Variants in MBD5 observed in about 807,000 individuals in gnomAD.
MBD5 encodes the protein methyl-CpG-binding domain protein 5.
MBD5 carries 13 observed loss-of-function variants against 117.3 expected under a neutral mutation model. The observed-to-expected ratio is 0.11, with a 90% CI of 0.07 to 0.18. The LOEUF is 0.18. MBD5 is among the 10% of genes least tolerant of loss of function. The probability of loss-of-function intolerance (pLI) is 1.00; values close to 1 mark genes in which losing one functional copy is unlikely to be tolerated. For missense variants in MBD5, 1,879 were observed against 2,093.8 expected (o/e 0.90, Z 2.00); for synonymous variants, 727 against 766.4 (o/e 0.95, Z 0.85).
chr2:148,208,087 C>T (rs1699330143), intron 2 of MBD5, among the ~76,000 whole-genome samples: 1 of 152,130 alleles, frequency 6.6e-6, no homozygotes. Flanking sequence ...CTGTTTCTTA[C>T]CTCTTCCAGC....
chr2:148,444,954 A>G lies in MBD5; in HGVS notation c.-556-13249A>G, dbSNP rs140952262. ...TAATAATACCTGGAGTACATTTATT[A>G]TATCAGGATTATATAATATAAATGC... On this transcript the variant is annotated intron_variant, in intron 4 of 13. Transcript: ENST00000642680. Among the ~76,000 whole-genome samples, 4 of 151,126 alleles carry G rather than the reference A, an allele frequency of 2.6e-5. No homozygotes were observed. The East Asian group carries it at 7.7e-4, about 29-fold the overall frequency.
At chr2:148,446,130 A>G (rs1035766416) in intron 4 of MBD5, among the ~76,000 whole-genome samples, 1 of 150,956 alleles carries the variant, frequency 6.6e-6, no homozygotes, top group African/African-American at 2.5e-5. Context: ...CAAGCTCTTT[A>G]GTTTAATTAG....
chr2:148,208,179 G>T (rs947189808), intron 2 of MBD5, among the ~76,000 whole-genome samples: 3 of 152,102 alleles, frequency 2.0e-5, no homozygotes, highest in African/African-American at 7.2e-5. Flanking sequence ...ATTCAATCTA[G>T]AAAACATGGA....
intron 2 of MBD5, among the ~76,000 whole-genome samples, chr2:148,194,518 C>A (rs1262482115): frequency 3.1e-5 from 2 of 64,206 alleles, no homozygotes; most frequent in Non-Finnish European, 3.6e-5. Flanking sequence ...GAACAAAAAA[C>A]CAAACACCGC....
chr2:148,341,998 A>G (rs560030463), intron 3 of MBD5, among the ~76,000 whole-genome samples: 1 of 152,102 alleles, frequency 6.6e-6, no homozygotes, highest in East Asian at 1.9e-4. Flanking sequence ...ATATTATTAA[A>G]CATATGAAAA....
At chr2:148,159,839 C>T (rs994950972) in intron 1 of MBD5, among the ~76,000 whole-genome samples, 4 of 152,118 alleles carry the variant, frequency 2.6e-5, no homozygotes, top group African/African-American at 7.2e-5. Flanking sequence ...TAAAAGAAAG[C>T]TGAAGTACAA....
chr2:148,205,834 A>C (rs1372486650), intron 2 of MBD5, among the ~76,000 whole-genome samples: 4 of 152,116 alleles, frequency 2.6e-5, no homozygotes, highest in Non-Finnish European at 5.9e-5. Context: ...GAGAACAGTC[A>C]GGGCAACATG....
chr2:148,469,934 C>T lies in MBD5; in HGVS notation c.1991C>T (p.Thr664Met), dbSNP rs755862882. 16 of 1,613,868 alleles carry T rather than the reference C, an allele frequency of 9.9e-6. No individual in the cohort carries two copies. The highest frequency in any genetic ancestry group is 9.3e-5 in the African/African-American group (7 of 74,916). Residue 664 changes from threonine (T) to methionine (M), a missense_variant, in exon 8 of 14, where the codon ACG (threonine) becomes ATG (methionine). Transcript: ENST00000642680. ...DALRKRKQPP[T>M]TVLSLLRQSQ... The stretch of plus-strand genomic sequence containing the variant: ...TTGCGGAAAAGAAAACAACCACCTA[C>T]GACAGTGTTGAGTTTGCTCAGACAG...
At chr2:148,228,826 G>T (rs141901300) in intron 2 of MBD5, among the ~76,000 whole-genome samples, 15,191 of 152,104 alleles carry the variant, frequency 0.1, 807 homozygotes, top group South Asian at 0.15. Flanking sequence ...CTTCTTCCTG[G>T]TTTAGTCTTG....
chr2:148,118,600 A>G (rs1696695009), intron 1 of MBD5, among the ~76,000 whole-genome samples: 1 of 150,884 alleles, frequency 6.6e-6, no homozygotes, highest in Admixed American at 6.6e-5. Flanking sequence ...AAAAAGAAAA[A>G]AAAAAACTAT....
intron 2 of MBD5, among the ~76,000 whole-genome samples, chr2:148,229,346 T>A (rs978219063): frequency 6.6e-6 from 1 of 152,156 alleles, no homozygotes; most frequent in African/African-American, 2.4e-5. Flanking sequence ...TCTTTGTAAT[T>A]ATTTCAATCT....
chr2:148,395,932 A>C (rs1293286201), intron 4 of MBD5, among the ~76,000 whole-genome samples: 1 of 151,434 alleles, frequency 6.6e-6, no homozygotes, highest in Non-Finnish European at 1.5e-5. Flanking sequence ...ATTCAGTTTT[A>C]CTCCACTGGT....
intron 1 of MBD5, among the ~76,000 whole-genome samples, chr2:148,098,053 A>C (rs1250860207): frequency 1.3e-5 from 2 of 152,220 alleles, no homozygotes; most frequent in Admixed American, 1.3e-4. Flanking sequence ...TGCAGGTTTC[A>C]TGTGTGATAA....
At chr2:148,075,119 G>A (rs1695474753) in intron 1 of MBD5, among the ~76,000 whole-genome samples, 1 of 152,156 alleles carries the variant, frequency 6.6e-6, no homozygotes, top group Non-Finnish European at 1.5e-5. Flanking sequence ...AGATGGCTCA[G>A]GGAAGAAGCA....
intron 4 of MBD5, among the ~76,000 whole-genome samples, chr2:148,454,116 TC>T (rs1387654451): frequency 1.3e-5 from 2 of 152,040 alleles, no homozygotes; most frequent in African/African-American, 2.4e-5. Flanking sequence ...CAAAATTATA[TC>T]CAACAATTAA....
intron 1 of MBD5, among the ~76,000 whole-genome samples, chr2:148,151,302 A>G (rs1405207457): frequency 6.6e-6 from 1 of 151,768 alleles, no homozygotes; most frequent in Non-Finnish European, 1.5e-5. Flanking sequence ...CCACTTGATC[A>G]TGGTGGATAA....
chr2:148,323,123 A>G (rs1358976424), intron 3 of MBD5, among the ~76,000 whole-genome samples: 3 of 151,618 alleles, frequency 2.0e-5, no homozygotes, highest in South Asian at 4.2e-4. Context: ...GCGATAGTTT[A>G]CTGAGAATGA....
At position 148,200,632 on chromosome 2, in the gene MBD5, G is replaced by T. The variant is rs186206786; in HGVS notation, c.-831+21839G>T. Among the ~76,000 whole-genome samples the T allele has an allele frequency of 4.6e-5, 7 of 151,044 alleles. No homozygotes were observed. The East Asian group carries it at 1.4e-3, about 29-fold the overall frequency. ...GGCGTGAGCCTAGGAGGCAGAGCTT[G>T]CAGTGAGCCGATATCACGCCACTTC... On this transcript the variant is annotated intron_variant, in intron 2 of 13. Coordinates refer to ENST00000642680, the MANE Select transcript of MBD5 (RefSeq NM_001378120.1).
chr2:148,131,742 T>G (rs1414204075), intron 1 of MBD5, among the ~76,000 whole-genome samples: 1 of 152,166 alleles, frequency 6.6e-6, no homozygotes, highest in South Asian at 2.1e-4. Context: ...ATAAGGAAAT[T>G]TTTGTATGCA....
Sources: allele counts gnomAD v4.1 joint callset (sites outside exome capture counted in the v4.1 genomes callset), GRCh38; gene constraint gnomAD v4.1.1; transcripts MANE v1.5; gene names NCBI Gene and HGNC (gene_info 2026-07-23, HGNC 2026-07-21).